The following ATP11A variants were observed in gnomAD, a reference collection of about 807,000 sequenced individuals.
ATP11A encodes ATPase phospholipid transporting 11A, also known as phospholipid-transporting ATPase IH.
Under a neutral mutation model 154.4 loss-of-function variants are expected in ATP11A, and 81 were observed. The ratio of observed to expected loss-of-function variants is 0.52; its 90% CI spans 0.44 to 0.63. The LOEUF is 0.63. Among genes scored for constraint, ATP11A ranks in the 30% least tolerant of loss-of-function variants. ATP11A has a pLI of 0.00. For missense variants in ATP11A, 1,316 were observed against 1,474.3 expected (o/e 0.89, Z 1.76); for synonymous variants, 623 against 585.9 (o/e 1.06, Z -0.91).
rs2078946817 is a variant in ATP11A at position 112,826,825 on chromosome 13, G to T, written c.1155G>T (p.Met385Ile). ...GSYFITWDED[M>I]FDEETGEGPL... ...ACTTCATCACCTGGGACGAAGACAT[G>T]TTTGACGAGGAGACTGGCGAGGGGC... Residue 385 changes from methionine (M) to isoleucine (I), a missense_variant, in exon 12 of 30, where the codon ATG (methionine) becomes ATT (isoleucine). Physicochemically the swap from Met to Ile is conservative, Grantham distance 10 (BLOSUM62 1). Coordinates refer to ENST00000375645, the MANE Select transcript of ATP11A (RefSeq NM_015205.3). 1.9e-6 allele frequency: 3 copies of T among 1,614,218 alleles called. No individual in the cohort carries two copies. Among genetic ancestry groups the T allele is most frequent in the Non-Finnish European group, 2.5e-6 (3 of 1,180,046 alleles).
At chr13:112,776,417 G>A (rs920065692) in intron 1 of ATP11A, among the ~76,000 whole-genome samples, 2 of 152,162 alleles carry the variant, frequency 1.3e-5, no homozygotes, top group African/African-American at 4.8e-5. Context: ...CAGAGGGCCA[G>A]TGAGGCCAGT....
intron 1 of ATP11A, among the ~76,000 whole-genome samples, chr13:112,743,939 T>A (rs1345749871): frequency 6.6e-6 from 1 of 152,240 alleles, no homozygotes; most frequent in East Asian, 1.9e-4. Flanking sequence ...TGTAAAGTAT[T>A]TGGTTTTGAT....
chr13:112,795,915 C>G (rs1169816686), intron 2 of ATP11A, among the ~76,000 whole-genome samples: 1 of 152,164 alleles, frequency 6.6e-6, no homozygotes, highest in Non-Finnish European at 1.5e-5. Flanking sequence ...TTTTAAATGG[C>G]AGGGTCAGGA....
chr13:112,739,083 A>AT (rs1891280530), intron 1 of ATP11A, among the ~76,000 whole-genome samples: 2 of 152,240 alleles, frequency 1.3e-5, no homozygotes, highest in African/African-American at 4.8e-5. Context: ...TAGATATGGT[A>AT]TAAAAAGCAT....
chr13:112,757,566 G>A (rs1016820765), intron 1 of ATP11A, among the ~76,000 whole-genome samples: 66 of 152,218 alleles, frequency 4.3e-4, no homozygotes, highest in African/African-American at 1.5e-3. Flanking sequence ...TTTGAATCGG[G>A]AAAAGCAGGA....
At position 112,697,727 on chromosome 13, in the gene ATP11A, GTT is replaced by G. The variant is rs531749066; in HGVS notation, c.39+7297_39+7298del. Among the ~76,000 whole-genome samples, 90 of 126,602 alleles carry G rather than the reference GTT, an allele frequency of 7.1e-4. No individual in the cohort carries two copies. Among genetic ancestry groups the G allele is most frequent in the Middle Eastern group, 4.3e-3 (1 of 230 alleles). The allele number at this position is 126,602 out of a possible 152,430, so 83.1% of individuals were successfully genotyped here. A position where few individuals can be genotyped will look rare whatever the true frequency, so the allele number is the denominator to read the frequency against. ...GGATTTGTGCCACGACGCCCGGCCA[GTT>G]TTTTTTTTTTTTTTTTTTTTTTTTA... is the stretch of plus-strand genomic sequence containing the variant. On this transcript the variant is annotated intron_variant, in intron 1 of 29. Transcript: ENST00000375645. The surrounding 1 kb of genome is among the most constrained non-coding windows in gnomAD (Gnocchi z 4.0).
In ATP11A at chr13:112,727,687, G is replaced by C. The variant is rs1208042261; in HGVS notation, c.39+37232G>C. 2.6e-5 allele frequency among the ~76,000 whole-genome samples: 4 copies of C among 152,256 alleles called. No individual in the cohort carries two copies. The East Asian group carries it at 7.7e-4, about 29-fold the overall frequency. Reference sequence around the variant, plus strand: ...CCGCACAGGCCCCATTTGGCAGGCAGAGGTAGTCCCTGCCCGTTTTCTTGA... The same window carrying C: ...CCGCACAGGCCCCATTTGGCAGGCACAGGTAGTCCCTGCCCGTTTTCTTGA... On this transcript the variant is annotated intron_variant, in intron 1 of 29. Coordinates refer to ENST00000375645, the MANE Select transcript of ATP11A (RefSeq NM_015205.3).
chr13:112,817,342 G>T (rs1182388816), intron 6 of ATP11A, among the ~76,000 whole-genome samples: 1 of 152,144 alleles, frequency 6.6e-6, no homozygotes. Context: ...GATAATTCAT[G>T]ATATGTATCA....
intron 1 of ATP11A, among the ~76,000 whole-genome samples, chr13:112,774,798 T>C (rs1223423119): frequency 6.6e-6 from 1 of 152,240 alleles, no homozygotes; most frequent in Non-Finnish European, 1.5e-5. Flanking sequence ...GAACGCTCTT[T>C]CCTATGGGCC....
At chr13:112,824,603 C>T (rs1419269854) in intron 10 of ATP11A, among the ~76,000 whole-genome samples, 178 bp downstream of exon 10, 1 of 152,180 alleles carries the variant, frequency 6.6e-6, no homozygotes, top group Admixed American at 6.5e-5. Context: ...TGGATGGCCA[C>T]ACCCCTCCTT....
chr13:112,876,876 G>A (rs769746300), intron 28 of ATP11A, among the ~76,000 whole-genome samples: 1 of 152,138 alleles, frequency 6.6e-6, no homozygotes, highest in Non-Finnish European at 1.5e-5. Flanking sequence ...GGGAAGACAG[G>A]TTGCCCTCCC....
chr13:112,880,591 G>C (rs753125880), intron 29 of ATP11A: 1 of 1,300,706 alleles, frequency 7.7e-7, no homozygotes, highest in Admixed American at 2.3e-5. Flanking sequence ...ACAGAGCAGC[G>C]ATGGGCCCCT....
chr13:112,875,995 T>C lies in ATP11A; in HGVS notation c.3327+54T>C, dbSNP rs2080713192. ...GTGCCTCAGGGCCCTGGCCTTAGGA[T>C]TGGGAGATGACCGTTTTGAAAGACA... is the stretch of plus-strand genomic sequence containing the variant. On this transcript the variant is annotated intron_variant, in intron 28 of 29. Transcript: ENST00000375645. The surrounding 1 kb of genome is among the most constrained non-coding windows in gnomAD (Gnocchi z 4.1). 13 of 1,565,492 alleles carry C rather than the reference T, an allele frequency of 8.3e-6. No homozygotes were observed. Among genetic ancestry groups the C allele is most frequent in the African/African-American group, 2.7e-5 (2 of 73,956 alleles).
At chr13:112,845,792 T>TGCCAGCACTAATGGTACTAACCAC (rs1566564917) in intron 17 of ATP11A, among the ~76,000 whole-genome samples, 4,275 of 87,616 alleles carry the variant, frequency 0.049, 1,118 homozygotes, top group Non-Finnish European at 0.06. Context: ...CCAGTCCAGT[T>TGCCAGCACTAATGGTACTAACCAC]TCCAGGCACT....
chr13:112,862,643 A>G (rs890765497), intron 25 of ATP11A, 68 bp downstream of exon 25: 22 of 1,602,418 alleles, frequency 1.4e-5, no homozygotes, highest in Non-Finnish European at 1.7e-5. Flanking sequence ...CCATATGATG[A>G]TTTTGCCAAA....
In ATP11A at chr13:112,785,835, GTGACCTGGAAACAGGTC is replaced by G. The variant is rs1213531058; in HGVS notation, c.162+580_162+596del. 6.6e-6 allele frequency among the ~76,000 whole-genome samples: 1 copy of G among 152,234 alleles called. No homozygotes were observed. The highest frequency in any genetic ancestry group is 1.5e-5 in the Non-Finnish European group (1 of 68,042). Reference sequence around the variant, plus strand: ...CACACACATTTCCCACGTTCAGAGAGTGACCTGGAAACAGGTCTTAAGAACAAGGTGGAAATTTAGCT... The same window carrying G: ...CACACACATTTCCCACGTTCAGAGAGTTAAGAACAAGGTGGAAATTTAGCT... On this transcript the variant is annotated intron_variant, in intron 2 of 29. Coordinates refer to ENST00000375645, the MANE Select transcript of ATP11A (RefSeq NM_015205.3). The surrounding 1 kb of genome is among the most constrained non-coding windows in gnomAD (Gnocchi z 4.8).
intron 1 of ATP11A, among the ~76,000 whole-genome samples, chr13:112,699,567 G>A (rs1433191177): frequency 2.6e-5 from 4 of 152,242 alleles, no homozygotes; most frequent in Non-Finnish European, 4.4e-5. Context: ...TATAGTGTGT[G>A]TGCTTTATGT....
At chr13:112,862,395 C>T (rs2140365912) in intron 24 of ATP11A, 45 bp from the exon 25 acceptor site, 3 of 1,608,302 alleles carry the variant, frequency 1.9e-6, no homozygotes, top group East Asian at 4.5e-5. Flanking sequence ...AGGTGCCGGG[C>T]CCTGATTCTC....
intron 12 of ATP11A, among the ~76,000 whole-genome samples, chr13:112,827,987 C>T (rs1033016495): frequency 2.0e-5 from 3 of 152,292 alleles, no homozygotes; most frequent in African/African-American, 7.2e-5. Flanking sequence ...ATTCTATCTC[C>T]TTTGCAACAA....
Sources: gnomAD v4.1 joint callset for allele counts (sites outside exome capture counted in the v4.1 genomes callset) on GRCh38, gnomAD v4.1.1 for gene constraint, Gnocchi (gnomAD v3.1) non-coding constraint, MANE v1.5 for transcripts, NCBI Gene and HGNC (gene_info 2026-07-23, HGNC 2026-07-21) for gene names.